Variants in MSL2 observed in about 807,000 individuals in gnomAD.
The protein encoded by MSL2 is E3 ubiquitin-protein ligase MSL2.
A neutral mutation model predicts 35.8 loss-of-function variants in MSL2; 2 were observed. The ratio of observed to expected loss-of-function variants is 0.06; its 90% CI spans 0.02 to 0.18. MSL2 has a LOEUF of 0.18. MSL2 is among the 10% of genes least tolerant of loss of function. MSL2 has a pLI of 1.00. For synonymous variants in MSL2, 296 were observed against 255.7 expected (o/e 1.16, Z -1.50); for missense variants, 523 against 706.7 (o/e 0.74, Z 2.95).
In MSL2 at chr3:136,195,270, G is replaced by T. The variant is rs1940803254; in HGVS notation, c.-157C>A. 4 of 1,457,334 alleles carry T rather than the reference G, an allele frequency of 2.7e-6. No homozygotes were observed. Among genetic ancestry groups the T allele is most frequent in the Non-Finnish European group, 3.6e-6 (4 of 1,110,876 alleles). 90.3% of individuals were successfully genotyped at this position (1,457,334 alleles called of 1,614,324 possible). A position where few individuals can be genotyped will look rare whatever the true frequency, so the allele number is the denominator to read the frequency against. ...TAACCAAAATCCGTGCAAGTTTGTGGAGCTGAAACAATCCTCCCACACATG... is the reference window on the plus strand; with the variant it reads ...TAACCAAAATCCGTGCAAGTTTGTGTAGCTGAAACAATCCTCCCACACATG... On this transcript the variant is annotated 5_prime_UTR_variant, in exon 1 of 2. Transcript: ENST00000309993.
At chr3:136,191,282 C>A (rs1047480036) in intron 1 of MSL2, among the ~76,000 whole-genome samples, 1 of 151,986 alleles carries the variant, frequency 6.6e-6, no homozygotes, top group Non-Finnish European at 1.5e-5. Context: ...GCCTGGCCAA[C>A]ATGGTGAAAC....
Position 136,192,495 on chromosome 3 carries a change from G to C in MSL2, c.142+2477C>G, listed in dbSNP as rs552997660. Among the ~76,000 whole-genome samples the C allele has an allele frequency of 1.3e-5, 2 of 151,936 alleles. 1 individual carries two copies. Among genetic ancestry groups the C allele is most frequent in the South Asian group, 4.1e-4 (2 of 4,826 alleles). On this transcript the variant is annotated intron_variant, in intron 1 of 1. Coordinates refer to ENST00000309993, the MANE Select transcript of MSL2 (RefSeq NM_018133.4). Reference sequence around the variant, plus strand: ...AGTAACTTTTTGCTGCAGTGAGCAAGGAAGACTTCACCAAGGAGGCAGGGA... The same window carrying C: ...AGTAACTTTTTGCTGCAGTGAGCAACGAAGACTTCACCAAGGAGGCAGGGA...
intron 1 of MSL2, among the ~76,000 whole-genome samples, chr3:136,182,587 A>AAGCCAGAGC (rs1028052834): frequency 6.6e-6 from 1 of 152,112 alleles, no homozygotes; most frequent in Non-Finnish European, 1.5e-5. Flanking sequence ...CTGAATTGAG[A>AAGCCAGAGC]AGCCAGAGCT....
chr3:136,171,512 TCA>T (rs1316159703), intron 1 of MSL2, among the ~76,000 whole-genome samples: 1 of 152,220 alleles, frequency 6.6e-6, no homozygotes, highest in Non-Finnish European at 1.5e-5. Context: ...CAGACAGGTC[TCA>T]CAGCCTCAGC....
intron 1 of MSL2, among the ~76,000 whole-genome samples, chr3:136,180,213 ATTT>A (rs544198076): frequency 4.6e-5 from 7 of 151,900 alleles, no homozygotes; most frequent in African/African-American, 1.2e-4. Context: ...TCCGACTAAA[ATTT>A]TTTTTTAACA....
At chr3:136,167,141 T>C (rs1241701847) in intron 1 of MSL2, among the ~76,000 whole-genome samples, 1 of 152,148 alleles carries the variant, frequency 6.6e-6, no homozygotes, top group Non-Finnish European at 1.5e-5. Flanking sequence ...CTGTGAACAC[T>C]GGACCTGGCA....
Position 136,152,489 on chromosome 3 carries a change from G to A in MSL2, c.392C>T (p.Ala131Val). Residue 131 changes from alanine to valine, a missense_variant, in exon 2 of 2, where the codon GCT becomes GTT. By Grantham distance (64) the Ala-to-Val change is moderately conservative. Transcript: ENST00000309993. ...AAACAATGATCCATCATTAAGCAAA[G>A]CCAAAATATCAGAAGAACAGTCAAC... The part of the protein sequence containing the change: ...EAVDCSSDIL[A>V]LLNDGSLFCE... 1 of 1,614,156 alleles carries A rather than the reference G, an allele frequency of 6.2e-7. No homozygotes were observed. The highest frequency in any genetic ancestry group is 2.2e-5 in the East Asian group (1 of 44,876).
chr3:136,190,789 A>T (rs1044472271), intron 1 of MSL2, among the ~76,000 whole-genome samples: 1 of 151,944 alleles, frequency 6.6e-6, no homozygotes, highest in Non-Finnish European at 1.5e-5. Context: ...CTTTCTGATA[A>T]AGCAAGTCCA....
Position 136,195,932 on chromosome 3 carries a change from C to G in MSL2, c.-819G>C, listed in dbSNP as rs1940831648. The G allele has an allele frequency of 1.8e-6, 1 of 554,000 alleles. No individual in the cohort carries two copies. The highest frequency in any genetic ancestry group is 2.3e-6 in the Non-Finnish European group (1 of 437,226). The allele number at this position is 554,000 out of a possible 1,614,324, so 34.3% of individuals were successfully genotyped here. Reference sequence around the variant, plus strand: ...GCCCCTCGCGCCTCAGTCGCACACTCCGGGGTCACCAGACTCAAGCGCCGC... The same window carrying G: ...GCCCCTCGCGCCTCAGTCGCACACTGCGGGGTCACCAGACTCAAGCGCCGC... On this transcript the variant is annotated 5_prime_UTR_variant, in exon 1 of 2. Coordinates refer to ENST00000309993, the MANE Select transcript of MSL2 (RefSeq NM_018133.4).
At chr3:136,176,151 T>A (rs1162623015) in intron 1 of MSL2, among the ~76,000 whole-genome samples, 1 of 152,208 alleles carries the variant, frequency 6.6e-6, no homozygotes, top group Non-Finnish European at 1.5e-5. Context: ...CTTGGACAAG[T>A]AAAACTATAT....
At chr3:136,153,057 A>G in intron 1 of MSL2, 1 of 985,420 alleles carries the variant, frequency 1.0e-6, no homozygotes, top group Non-Finnish European at 1.2e-6. Flanking sequence ...AAGATCAGAC[A>G]CCAGAAGCAC....
At chr3:136,154,087 TAA>T (rs149944952) in intron 1 of MSL2, among the ~76,000 whole-genome samples, 45 of 135,398 alleles carry the variant, frequency 3.3e-4, no homozygotes, top group East Asian at 4.1e-4. Context: ...CCGTCTCATT[TAA>T]AAAAAAAAAA....
At chr3:136,164,887 T>A (rs575165475) in intron 1 of MSL2, among the ~76,000 whole-genome samples, 6 of 152,200 alleles carry the variant, frequency 3.9e-5, no homozygotes, top group Admixed American at 3.9e-4. Context: ...CAGACTTTTT[T>A]TTTTTGAGTC....
At chr3:136,158,082 T>C (rs1939584023) in intron 1 of MSL2, among the ~76,000 whole-genome samples, 2 of 151,980 alleles carry the variant, frequency 1.3e-5, no homozygotes, top group African/African-American at 4.8e-5. Context: ...GAGGCCAAGG[T>C]GGGCGGATCA....
intron 1 of MSL2, among the ~76,000 whole-genome samples, chr3:136,181,669 A>G (rs984061375): frequency 4.6e-5 from 7 of 152,120 alleles, no homozygotes; most frequent in African/African-American, 1.7e-4. Context: ...CTGTAATCTG[A>G]GCACTTTGGG....
intron 1 of MSL2, 79 bp from the exon 2 acceptor site, chr3:136,152,817 A>G (rs911725019): frequency 6.6e-7 from 1 of 1,521,682 alleles, no homozygotes; most frequent in South Asian, 1.3e-5. Flanking sequence ...AGATGACATA[A>G]GTAGTCTATC....
At chr3:136,188,439 GAA>G (rs35989218) in intron 1 of MSL2, among the ~76,000 whole-genome samples, 24 of 101,332 alleles carry the variant, frequency 2.4e-4, no homozygotes, top group South Asian at 1.3e-3. Flanking sequence ...TCTGGAAGAA[GAA>G]AAAAAAAAAA....
chr3:136,172,691 CAGTAATCCTT>C (rs1224785569), intron 1 of MSL2, among the ~76,000 whole-genome samples: 2 of 152,090 alleles, frequency 1.3e-5, no homozygotes, highest in African/African-American at 2.4e-5. Context: ...TACTCCCTTT[CAGTAATCCTT>C]AGTAATCCTT....
In MSL2 at chr3:136,151,962, A is replaced by C; in HGVS notation, c.919T>G (p.Ser307Ala). 5 of 1,614,250 alleles carry C rather than the reference A, an allele frequency of 3.1e-6. No individual in the cohort carries two copies. Among genetic ancestry groups the C allele is most frequent in the Non-Finnish European group, 4.2e-6 (5 of 1,180,048 alleles). Reference protein sequence around the residue: ...TVSNGPFLQLSSQSLSHNVFM... With the variant: ...TVSNGPFLQLASQSLSHNVFM... ...ACATTATGGCTAAGAGACTGGGAAG[A>C]AAGCTGCAGAAAAGGTCCATTGGAT... is the stretch of plus-strand genomic sequence containing the variant. Residue 307 changes from serine (S) to alanine (A), a missense_variant, in exon 2 of 2, where the codon TCT (serine) becomes GCT (alanine). By Grantham distance (99) the Ser-to-Ala change is moderately conservative. Coordinates refer to ENST00000309993, the MANE Select transcript of MSL2 (RefSeq NM_018133.4). This position sits in a 1 kb window ranked among gnomAD's most constrained non-coding sequence, Gnocchi z 5.2.
Sources: gnomAD v4.1 joint callset for allele counts (sites outside exome capture counted in the v4.1 genomes callset) on GRCh38, gnomAD v4.1.1 for gene constraint, Gnocchi (gnomAD v3.1) non-coding constraint, MANE v1.5 for transcripts, NCBI Gene and HGNC (gene_info 2026-07-23, HGNC 2026-07-21) for gene names.